OAF: variants seen among roughly 807,000 people sequenced by gnomAD.
The protein encoded by OAF is out at first homolog.
In OAF, 13 loss-of-function variants were observed where a neutral mutation model predicts 22.5. The observed-to-expected ratio is 0.58, with a 90% CI of 0.38 to 0.92. The LOEUF (loss-of-function observed/expected upper bound fraction) is 0.92. OAF is among the 40% of genes least tolerant of loss of function. The probability of loss-of-function intolerance (pLI) is 0.00; values close to 1 mark genes in which losing one functional copy is unlikely to be tolerated. For synonymous variants in OAF, 175 were observed against 170.5 expected, an observed-to-expected ratio of 1.03 and a Z score of -0.21; for missense variants, 347 against 381.8, an observed-to-expected ratio of 0.91 and a Z score of 0.76.
chr11:120,229,384 GGCT>G lies in OAF; in HGVS notation c.*243_*245del. On this transcript the variant is annotated 3_prime_UTR_variant, in exon 4 of 4. Coordinates refer to ENST00000328965, the MANE Select transcript of OAF (RefSeq NM_178507.4). The stretch of plus-strand genomic sequence containing the variant: ...CCTTGCGGGCAGAGAGGGAGAGAAG[GGCT>G]CCCCAGATCTACACCCCTCCCTCCT... 2.7e-6 allele frequency: 1 copy of G among 373,862 alleles called. No homozygotes were observed. The highest frequency in any genetic ancestry group is 4.8e-6 in the Non-Finnish European group (1 of 209,508). 23.2% of individuals were successfully genotyped at this position (373,862 alleles called of 1,614,324 possible). A position where few individuals can be genotyped will look rare whatever the true frequency, so the allele number is the denominator to read the frequency against.
At chr11:120,221,061 A>T (rs1412771718) in intron 1 of OAF, among the ~76,000 whole-genome samples, 1 of 152,058 alleles carries the variant, frequency 6.6e-6, no homozygotes, top group Non-Finnish European at 1.5e-5. Context: ...TCCCTCCCTC[A>T]TGCCACCCCC....
At chr11:120,218,770 T>C (rs186094639) in intron 1 of OAF, among the ~76,000 whole-genome samples, 8 of 152,146 alleles carry the variant, frequency 5.3e-5, no homozygotes, top group African/African-American at 1.9e-4. Flanking sequence ...GAAGGGGCAG[T>C]CTGCTGCCCT....
At position 120,230,190 on chromosome 11, in the gene OAF, C is replaced by G. The variant is rs1591362111; in HGVS notation, c.*1048C>G. ...CCGTAGTAAGCCAGTCAGAAATAGC[C>G]AGCGCGAAGGCAAGAGATGGGGTGG... is the stretch of plus-strand genomic sequence containing the variant. On this transcript the variant is annotated 3_prime_UTR_variant, in exon 4 of 4. Transcript: ENST00000328965. The G allele has an allele frequency of 6.6e-6, 1 of 152,192 alleles. No individual in the cohort carries two copies. Among genetic ancestry groups the G allele is most frequent in the Admixed American group, 6.5e-5 (1 of 15,278 alleles). 9.4% of individuals were successfully genotyped at this position (152,192 alleles called of 1,614,324 possible).
At position 120,225,755 on chromosome 11, in the gene OAF, A is replaced by C. The variant is rs1230493594; in HGVS notation, c.326A>C (p.Asn109Thr). 6 of 1,607,398 alleles carry C rather than the reference A, an allele frequency of 3.7e-6. No individual in the cohort carries two copies. The highest frequency in any genetic ancestry group is 5.1e-6 in the Non-Finnish European group (6 of 1,176,988). The change falls in exon 2 of 4, where the codon AAT (asparagine) becomes ACT (threonine). Residue 109 changes from asparagine (N) to threonine (T), a missense_variant. Asn to Thr is a moderately conservative substitution (Grantham distance 65, BLOSUM62 0). Transcript: ENST00000328965. ...ALCFVTQLQH[N>T]EIIPSEAMAK... is the part of the protein sequence containing the mutation. ...TGCTTTGTCACCCAGCTGCAGCACA[A>C]TGAGATCATCCCCAGTGAGGCCATG...
chr11:120,214,766 A>G (rs945046953), intron 1 of OAF, among the ~76,000 whole-genome samples: 8 of 152,210 alleles, frequency 5.3e-5, no homozygotes, highest in Non-Finnish European at 1.0e-4. Context: ...ACAGTCGTCA[A>G]CCCACTGGAG....
chr11:120,227,367 C>T (rs1356715393), intron 3 of OAF, among the ~76,000 whole-genome samples: 1 of 152,066 alleles, frequency 6.6e-6, no homozygotes, highest in East Asian at 1.9e-4. Flanking sequence ...GAAGATTCAG[C>T]CAGAGGAAAG....
chr11:120,219,084 T>C (rs1938248120), intron 1 of OAF, among the ~76,000 whole-genome samples: 1 of 123,072 alleles, frequency 8.1e-6, no homozygotes, highest in African/African-American at 3.1e-5. Flanking sequence ...GGGTGTGCCC[T>C]GACGCTGGGC....
In OAF at chr11:120,218,811, C is replaced by T. The variant is rs571183952; in HGVS notation, c.232-6850C>T. On this transcript the variant is annotated intron_variant, in intron 1 of 3. Transcript: ENST00000328965. ...CCTTTGCTTTCCATTCTCCTGCAGG[C>T]GGGCCTCCCCCCAAACCCCAGGGCT... 3.3e-5 allele frequency among the ~76,000 whole-genome samples: 5 copies of T among 152,112 alleles called. No homozygotes were observed. In the East Asian group the frequency reaches 9.8e-4, roughly 30 times the overall value.
intron 1 of OAF, among the ~76,000 whole-genome samples, chr11:120,219,604 C>T (rs1415751998): frequency 6.6e-6 from 1 of 152,168 alleles, no homozygotes; most frequent in Non-Finnish European, 1.5e-5. Context: ...AGCAGCCTTC[C>T]CTCTGGAGAC....
chr11:120,222,600 G>A (rs1221251637), intron 1 of OAF, among the ~76,000 whole-genome samples: 2 of 151,154 alleles, frequency 1.3e-5, no homozygotes, highest in South Asian at 2.1e-4. Context: ...AGGAGAGACC[G>A]GAGAATTTGT....
intron 1 of OAF, among the ~76,000 whole-genome samples, chr11:120,214,722 C>G (rs919813768): frequency 2.0e-5 from 3 of 152,234 alleles, no homozygotes; most frequent in Non-Finnish European, 4.4e-5. Flanking sequence ...CTCTCCCACA[C>G]TACTGCTCTG....
intron 1 of OAF, among the ~76,000 whole-genome samples, chr11:120,213,279 G>C (rs1938173912): frequency 6.6e-6 from 1 of 152,200 alleles, no homozygotes; most frequent in Non-Finnish European, 1.5e-5. Flanking sequence ...TGATGGCGGG[G>C]GTGGGGTGCT....
chr11:120,223,850 C>G (rs1445919246), intron 1 of OAF, among the ~76,000 whole-genome samples: 1 of 152,204 alleles, frequency 6.6e-6, no homozygotes, highest in Non-Finnish European at 1.5e-5. Context: ...CCTGGGGGAT[C>G]CTGCCAGGGA....
chr11:120,226,606 C>T (rs973845806), intron 2 of OAF, among the ~76,000 whole-genome samples: 1 of 152,252 alleles, frequency 6.6e-6, no homozygotes, highest in Non-Finnish European at 1.5e-5. Flanking sequence ...GTTTGGGAAG[C>T]ATCCATTCTG....
chr11:120,228,854 C>A lies in OAF; in HGVS notation c.548-14C>A. ...TCCCTCCCTCCCTCCCTGATCCTTGCCTCTCTCCCCCAGGTGTGGACAGTT... is the reference window on the plus strand; with the variant it reads ...TCCCTCCCTCCCTCCCTGATCCTTGACTCTCTCCCCCAGGTGTGGACAGTT... On this transcript the variant is annotated splice_polypyrimidine_tract_variant and intron_variant, in intron 3 of 3. Coordinates refer to ENST00000328965, the MANE Select transcript of OAF (RefSeq NM_178507.4). 1.4e-5 allele frequency: 7 copies of A among 497,380 alleles called. No individual in the cohort carries two copies. The highest frequency in any genetic ancestry group is 2.3e-5 in the Non-Finnish European group (6 of 265,002). The allele number at this position is 497,380 out of a possible 1,614,324, so 30.8% of individuals were successfully genotyped here.
chr11:120,229,216 C>T lies in OAF; in HGVS notation c.*74C>T. 7.3e-7 allele frequency: 1 copy of T among 1,364,692 alleles called. No homozygotes were observed. Among genetic ancestry groups the T allele is most frequent in the Non-Finnish European group, 1.0e-6 (1 of 978,006 alleles). The allele number at this position is 1,364,692 out of a possible 1,614,324, so 84.5% of individuals were successfully genotyped here. ...CAGCCACTAGAGGGGGTGGCAACCC[C>T]CACCTGAGGCCTTATTTCCCTCCCT... is the stretch of plus-strand genomic sequence containing the variant. On this transcript the variant is annotated 3_prime_UTR_variant, in exon 4 of 4. Coordinates refer to ENST00000328965, the MANE Select transcript of OAF (RefSeq NM_178507.4).
rs768988359 is a variant in OAF at position 120,225,796 on chromosome 11, G to A, written c.366+1G>A. 2.5e-6 allele frequency: 4 copies of A among 1,597,674 alleles called. No individual in the cohort carries two copies. The Admixed American group carries it at 6.9e-5, about 28-fold the overall frequency. On this transcript the variant is annotated splice_donor_variant, in intron 2 of 3. Coordinates refer to ENST00000328965, the MANE Select transcript of OAF (RefSeq NM_178507.4). LOFTEE classifies it high-confidence loss of function. ...TGAGGCCATGGCCAAGCTCCGGCAG[G>A]TAAGTGCCCCACCAGGCCTGCCTGG...
rs770734523 is a variant in OAF, at chr11:120,229,026, G to A, written c.706G>A (p.Asp236Asn). Residue 236 changes from aspartate (D) to asparagine (N), a missense_variant, in exon 4 of 4, where the codon GAC (aspartate) becomes AAC (asparagine). Asp to Asn is a conservative substitution (Grantham distance 23). Coordinates refer to ENST00000328965, the MANE Select transcript of OAF (RefSeq NM_178507.4). ...PCMLKYCHSR[D>N]RPTPYKCGIR... ...CATGCTCAAGTACTGCCACAGCCGC[G>A]ACCGGCCCACGCCCTACAAGTGTGG... The A allele has an allele frequency of 3.1e-6, 5 of 1,613,480 alleles. No individual in the cohort carries two copies. The highest frequency in any genetic ancestry group is 2.2e-5 in the South Asian group (2 of 91,082).
chr11:120,218,218 A>G (rs61898281), intron 1 of OAF, among the ~76,000 whole-genome samples: 6,729 of 151,892 alleles, frequency 0.044, 239 homozygotes, highest in Admixed American at 0.11. Context: ...TGGTTGTGCT[A>G]ATGCCCCAAG....
Sources: gnomAD v4.1 joint callset for allele counts (sites outside exome capture counted in the v4.1 genomes callset) on GRCh38, gnomAD v4.1.1 for gene constraint, MANE v1.5 for transcripts, NCBI Gene and HGNC (gene_info 2026-07-23, HGNC 2026-07-21) for gene names.